SRD5A2: variants seen among roughly 807,000 people sequenced by gnomAD.
The protein encoded by SRD5A2 is 3-oxo-5-alpha-steroid 4-dehydrogenase 2.
SRD5A2 carries 30 observed loss-of-function variants against 27.4 expected under a neutral mutation model. The observed-to-expected ratio is 1.10, with a 90% CI of 0.82 to 1.49. The LOEUF is 1.49. Among genes scored for constraint, SRD5A2 ranks in the 40% most tolerant of loss-of-function variants. The probability of loss-of-function intolerance (pLI) is 0.00; values close to 1 mark genes in which losing one functional copy is unlikely to be tolerated. For synonymous variants in SRD5A2, 141 were observed against 133.6 expected, an observed-to-expected ratio of 1.06 and a Z score of -0.38; for missense variants, 348 against 323.4, an observed-to-expected ratio of 1.08 and a Z score of -0.58.
chr2:31,585,974 A>G, the SRD5A2 span, among the ~76,000 whole-genome samples: 17 of 152,306 alleles, frequency 1.1e-4, no homozygotes, highest in Non-Finnish European at 2.9e-5. Context: ...AGGGGAGGAA[A>G]GAGTGGGAAA....
chr2:31,643,670 C>T, the SRD5A2 span, among the ~76,000 whole-genome samples: 5 of 152,048 alleles, frequency 3.3e-5, no homozygotes, highest in East Asian at 9.6e-4. Context: ...AGAACATCTT[C>T]CTGTGGCAGA....
chr2:31,625,233 T>C, the SRD5A2 span, among the ~76,000 whole-genome samples: 1 of 152,198 alleles, frequency 6.6e-6, no homozygotes, highest in Admixed American at 6.5e-5. Context: ...TAAATTTGTT[T>C]AAGTTCTTTG....
the SRD5A2 span, among the ~76,000 whole-genome samples, chr2:31,626,742 G>T: frequency 6.6e-6 from 1 of 152,132 alleles, no homozygotes; most frequent in Admixed American, 6.5e-5. Flanking sequence ...TTGATGTGCT[G>T]CTGGATTCGG....
At chr2:31,596,664 T>C in the SRD5A2 span, among the ~76,000 whole-genome samples, 1 of 152,092 alleles carries the variant, frequency 6.6e-6, no homozygotes, top group Admixed American at 6.5e-5. Flanking sequence ...AAAATTAATG[T>C]CCACAAATCA....
At chr2:31,568,422 T>C (rs936064132) in intron 1 of SRD5A2, among the ~76,000 whole-genome samples, 2 of 152,130 alleles carry the variant, frequency 1.3e-5, no homozygotes, top group African/African-American at 2.4e-5. Context: ...ACAGAGAGGC[T>C]CTCGGGAGAC....
chr2:31,659,383 A>G, the SRD5A2 span, among the ~76,000 whole-genome samples: 1 of 152,192 alleles, frequency 6.6e-6, no homozygotes, highest in Non-Finnish European at 1.5e-5. Flanking sequence ...GAAGAGAGGA[A>G]GTCAAACTAT....
At chr2:31,594,209 C>T in the SRD5A2 span, among the ~76,000 whole-genome samples, 2 of 152,122 alleles carry the variant, frequency 1.3e-5, no homozygotes, top group South Asian at 2.1e-4. Context: ...TCAAAACTAA[C>T]GTTGAAGGCA....
the SRD5A2 span, among the ~76,000 whole-genome samples, chr2:31,612,275 C>T: frequency 6.8e-5 from 10 of 148,092 alleles, no homozygotes; most frequent in East Asian, 2.0e-4. Context: ...AGCAAGACTG[C>T]GTCTCAAAAT....
rs753593442 is a variant in SRD5A2, at chr2:31,533,769, G to T, written c.282-3C>A. ...TGAGCAGTGAGTACACAAATGTCCT[G>T]GGACACACAGGGAGGAAAGGTTAGG... On this transcript the variant is annotated splice_polypyrimidine_tract_variant and splice_region_variant and intron_variant, in intron 1 of 4. Coordinates refer to ENST00000622030, the MANE Select transcript of SRD5A2 (RefSeq NM_000348.4). 1.3e-6 allele frequency: 2 copies of T among 1,599,872 alleles called. No homozygotes were observed. The highest frequency in any genetic ancestry group is 1.3e-5 in the African/African-American group (1 of 74,760).
At chr2:31,588,391 C>T in the SRD5A2 span, among the ~76,000 whole-genome samples, 3 of 152,130 alleles carry the variant, frequency 2.0e-5, no homozygotes, top group Non-Finnish European at 2.9e-5. Flanking sequence ...AAACAAATAA[C>T]GTACAATGGG....
At chr2:31,532,959 G>A (rs910693467) in intron 2 of SRD5A2, among the ~76,000 whole-genome samples, 2 of 152,074 alleles carry the variant, frequency 1.3e-5, no homozygotes, top group African/African-American at 4.8e-5. Flanking sequence ...AGCCTTCTAG[G>A]CCAGGCTTGT....
intron 1 of SRD5A2, among the ~76,000 whole-genome samples, chr2:31,575,578 G>A (rs1442924652): frequency 2.6e-5 from 4 of 152,136 alleles, no homozygotes; most frequent in Admixed American, 6.5e-5. Flanking sequence ...GAGAAATTCC[G>A]CTGGGGAATG....
chr2:31,531,528 G>T, intron 2 of SRD5A2, 56 bp from the exon 3 acceptor site: 2 of 1,021,654 alleles, frequency 2.0e-6, no homozygotes, highest in Non-Finnish European at 1.4e-6. Flanking sequence ...AGATTGTGGT[G>T]CTTTTTTCAC....
At chr2:31,562,051 T>C (rs1159210769) in intron 1 of SRD5A2, among the ~76,000 whole-genome samples, 1 of 152,142 alleles carries the variant, frequency 6.6e-6, no homozygotes, top group Non-Finnish European at 1.5e-5. Flanking sequence ...AGCAAGCCTA[T>C]GAAGAGCAGC....
the SRD5A2 span, among the ~76,000 whole-genome samples, chr2:31,624,354 TTTAA>T: frequency 6.6e-6 from 1 of 152,142 alleles, no homozygotes; most frequent in African/African-American, 2.4e-5. Context: ...AACTTCTTTT[TTTAA>T]TTAATTATTA....
intron 1 of SRD5A2, among the ~76,000 whole-genome samples, chr2:31,559,173 C>T (rs949845156): frequency 6.6e-6 from 1 of 152,158 alleles, no homozygotes; most frequent in Admixed American, 6.5e-5. Context: ...TTTGAGCTCC[C>T]AGACTGTGTG....
At chr2:31,594,262 A>G in the SRD5A2 span, among the ~76,000 whole-genome samples, 2 of 152,178 alleles carry the variant, frequency 1.3e-5, no homozygotes, top group South Asian at 2.1e-4. Context: ...GAATGACAGA[A>G]TACATAAAAT....
At chr2:31,600,048 C>A in the SRD5A2 span, among the ~76,000 whole-genome samples, 3 of 151,844 alleles carry the variant, frequency 2.0e-5, no homozygotes, top group Admixed American at 6.6e-5. Flanking sequence ...GTGTTCTCAT[C>A]ACTTAGCTCC....
chr2:31,590,874 G>A, the SRD5A2 span, among the ~76,000 whole-genome samples: 2 of 152,144 alleles, frequency 1.3e-5, no homozygotes, highest in Non-Finnish European at 2.9e-5. Flanking sequence ...GGGAAAACTG[G>A]CTAGCCATAT....
Sources: gnomAD v4.1 joint callset for allele counts (sites outside exome capture counted in the v4.1 genomes callset) on GRCh38, gnomAD v4.1.1 for gene constraint, MANE v1.5 for transcripts, NCBI Gene and HGNC (gene_info 2026-07-23, HGNC 2026-07-21) for gene names.